Variants in WNK1 observed in about 807,000 individuals in gnomAD.
WNK1 encodes the protein WNK lysine deficient protein kinase 1.
A neutral mutation model predicts 222.8 loss-of-function variants in WNK1; 38 were observed. That is an observed-to-expected ratio of 0.17 (90% confidence interval 0.13 to 0.22). The LOEUF is 0.22. Among genes scored for constraint, WNK1 ranks in the 10% least tolerant of loss-of-function variants. The probability of loss-of-function intolerance (pLI) is 1.00; values close to 1 mark genes in which losing one functional copy is unlikely to be tolerated. For synonymous variants in WNK1, 1,090 were observed against 1,092.9 expected, an observed-to-expected ratio of 1.00 and a Z score of 0.05; for missense variants, 2,348 against 2,918.4, an observed-to-expected ratio of 0.80 and a Z score of 4.50.
chr12:880,170 A>C, intron 11 of WNK1, 139 bp downstream of exon 11: 1 of 869,568 alleles, frequency 1.2e-6, no homozygotes, highest in East Asian at 2.6e-5. Flanking sequence ...TAAAATTCTG[A>C]GAAAGGATTG....
At chr12:879,515 T>TTTTTTTTTTTTTTTTTTTTTTTTC in intron 10 of WNK1, 58 bp from the exon 11 acceptor site, 1 of 144,642 alleles carries the variant, frequency 6.9e-6, no homozygotes, top group Admixed American at 1.6e-4. Flanking sequence ...CAGCCTTGCT[T>TTTTTTTTTTTTTTTTTTTTTTTTC]TTTTTTTTTT....
chr12:845,751 G>A (rs1949982030), intron 4 of WNK1, among the ~76,000 whole-genome samples: 1 of 152,156 alleles, frequency 6.6e-6, no homozygotes, highest in Non-Finnish European at 1.5e-5. Flanking sequence ...TACATATTTA[G>A]TAGTGAAATA....
chr12:763,421 T>TAAAAATACA (rs1358562323), intron 1 of WNK1, among the ~76,000 whole-genome samples: 3 of 144,980 alleles, frequency 2.1e-5, no homozygotes, highest in Non-Finnish European at 4.6e-5. Context: ...CTGTCTCTAC[T>TAAAAATACA]AAAAATACAA....
chr12:909,167 T>C lies in WNK1; in HGVS notation c.*375T>C. On this transcript the variant is annotated 3_prime_UTR_variant, in exon 28 of 28. Coordinates refer to ENST00000315939, the MANE Select transcript of WNK1 (RefSeq NM_018979.4). Reference sequence around the variant, plus strand: ...GAGTGGGTGGAGCTCTTGCTTTTGGTACATGCCCTGAATCCCTCACTCCCT... The same window carrying C: ...GAGTGGGTGGAGCTCTTGCTTTTGGCACATGCCCTGAATCCCTCACTCCCT... 2 of 263,872 alleles carry C rather than the reference T, an allele frequency of 7.6e-6. No homozygotes were observed. Among genetic ancestry groups the C allele is most frequent in the Non-Finnish European group, 1.5e-5 (2 of 134,734 alleles). The allele number at this position is 263,872 out of a possible 1,614,324, so 16.3% of individuals were successfully genotyped here.
At chr12:907,581 C>G in intron 26 of WNK1, 1 of 520,270 alleles carries the variant, frequency 1.9e-6, no homozygotes, top group East Asian at 3.5e-5. Context: ...TGTGAATGGA[C>G]TGAAAGAGGC....
At chr12:800,936 C>T (rs1043301547) in intron 1 of WNK1, among the ~76,000 whole-genome samples, 8 of 152,216 alleles carry the variant, frequency 5.3e-5, no homozygotes, top group East Asian at 1.9e-4. Context: ...ACAGATTCTT[C>T]GTTTTTAAAA....
At chr12:906,510 A>G (rs1955712210) in intron 26 of WNK1, 1 of 985,314 alleles carries the variant, frequency 1.0e-6, no homozygotes, top group Non-Finnish European at 1.2e-6. Context: ...AGCGGTGGGA[A>G]TCCTTGAGCC....
chr12:877,318 G>C (rs1398638576), intron 9 of WNK1, among the ~76,000 whole-genome samples: 2 of 152,136 alleles, frequency 1.3e-5, no homozygotes, highest in Non-Finnish European at 2.9e-5. Context: ...GCCCACCTCA[G>C]CCTCCCAAAG....
At chr12:834,886 C>A (rs1232445137) in intron 4 of WNK1, among the ~76,000 whole-genome samples, 1 of 152,088 alleles carries the variant, frequency 6.6e-6, no homozygotes, top group African/African-American at 2.4e-5. Context: ...TGAAGCAGCA[C>A]CAGGCATCCA....
intron 1 of WNK1, among the ~76,000 whole-genome samples, chr12:794,507 T>TG (rs1945129477): frequency 2.0e-5 from 3 of 151,612 alleles, no homozygotes; most frequent in Non-Finnish European, 4.4e-5. Context: ...GTTGAATTTT[T>TG]TTTTTTTTTT....
At chr12:873,720 A>G (rs1952363202) in intron 9 of WNK1, among the ~76,000 whole-genome samples, 1 of 152,218 alleles carries the variant, frequency 6.6e-6, no homozygotes, top group African/African-American at 2.4e-5. Flanking sequence ...GAAAAAAGAA[A>G]GGTTGAAAAC....
intron 8 of WNK1, among the ~76,000 whole-genome samples, chr12:864,236 T>A (rs774715213): frequency 6.6e-6 from 1 of 151,652 alleles, no homozygotes; most frequent in Admixed American, 6.6e-5. Context: ...GCCTCCCCAG[T>A]AGCTAAGATT....
intron 9 of WNK1, among the ~76,000 whole-genome samples, chr12:877,622 T>G (rs181609763): frequency 1.4e-4 from 21 of 152,348 alleles, no homozygotes; most frequent in African/African-American, 5.1e-4. Context: ...AAGAGAAACT[T>G]CATTTTTTTA....
chr12:822,213 C>A (rs1947954750), intron 2 of WNK1, among the ~76,000 whole-genome samples: 1 of 150,846 alleles, frequency 6.6e-6, no homozygotes, highest in Non-Finnish European at 1.5e-5. Context: ...CCTGCCTCAG[C>A]CTCCTGAGTA....
At position 887,415 on chromosome 12, in the gene WNK1, A is replaced by G. The variant is rs954786870; in HGVS notation, c.5364+111A>G. On this transcript the variant is annotated intron_variant, in intron 20 of 27. Transcript: ENST00000315939. ...TTTGCCTATTTGTCTTTGACTTAGT[A>G]ACACCTTTCTTTTAAAATGTTATAA... 42 of 986,436 alleles carry G rather than the reference A, an allele frequency of 4.3e-5. No individual in the cohort carries two copies. The African/African-American group carries it at 5.4e-4, about 13-fold the overall frequency. The allele number at this position is 986,436 out of a possible 1,614,324, so 61.1% of individuals were successfully genotyped here.
At chr12:784,744 C>T (rs539508806) in intron 1 of WNK1, among the ~76,000 whole-genome samples, 6 of 152,198 alleles carry the variant, frequency 3.9e-5, no homozygotes, top group Non-Finnish European at 5.9e-5. Flanking sequence ...TAAACTTCAC[C>T]ATTTGTACTG....
intron 21 of WNK1, 65 bp downstream of exon 21, chr12:889,288 A>G: frequency 7.4e-7 from 1 of 1,349,090 alleles, no homozygotes; most frequent in Non-Finnish European, 1.1e-6. Flanking sequence ...CTGGGACACA[A>G]ACTGTAACCT....
chr12:895,546 C>T (rs1299408158), intron 23 of WNK1, among the ~76,000 whole-genome samples: 1 of 152,148 alleles, frequency 6.6e-6, no homozygotes, highest in Non-Finnish European at 1.5e-5. Context: ...GCAGCCTCTG[C>T]CTCCCGGGTT....
rs769825037 is a variant in WNK1, at chr12:881,901, A to C, written c.3210-10A>C. On this transcript the variant is annotated splice_polypyrimidine_tract_variant and intron_variant, in intron 13 of 27. Coordinates refer to ENST00000315939, the MANE Select transcript of WNK1 (RefSeq NM_018979.4). Reference sequence around the variant, plus strand: ...TAAACTGCACTTTTTTTTCTTTTTAAATTTCAAAGTGCACATTCAGATGTT... The same window carrying C: ...TAAACTGCACTTTTTTTTCTTTTTACATTTCAAAGTGCACATTCAGATGTT... 4.3e-6 allele frequency: 7 copies of C among 1,614,104 alleles called. No individual in the cohort carries two copies. Among genetic ancestry groups the C allele is most frequent in the South Asian group, 3.3e-5 (3 of 91,066 alleles).
Sources: allele counts gnomAD v4.1 joint callset (sites outside exome capture counted in the v4.1 genomes callset), GRCh38; gene constraint gnomAD v4.1.1; transcripts MANE v1.5; gene names NCBI Gene and HGNC (gene_info 2026-07-23, HGNC 2026-07-21).